Variants in HHIP observed in about 807,000 individuals in gnomAD.
HHIP encodes the protein hedgehog interacting protein.
Under a neutral mutation model 74.0 loss-of-function variants are expected in HHIP, and 12 were observed. That is an observed-to-expected ratio of 0.16 (90% CI 0.10 to 0.26). The LOEUF (loss-of-function observed/expected upper bound fraction) is 0.26, where lower values mean the gene tolerates loss of function less well. HHIP is among the 10% of genes least tolerant of loss of function. The pLI, the probability that HHIP is intolerant of heterozygous loss-of-function variation, is 1.00. For synonymous variants in HHIP, 309 were observed against 311.6 expected (o/e 0.99, Z 0.09); for missense variants, 788 against 845.0 (o/e 0.93, Z 0.84).
chr4:144,687,037 G>A (rs906511581), intron 4 of HHIP, among the ~76,000 whole-genome samples: 1 of 152,116 alleles, frequency 6.6e-6, no homozygotes, highest in Non-Finnish European at 1.5e-5. Context: ...TTCAGGGCAA[G>A]TGTGATTTAT....
In HHIP at chr4:144,652,811, A is replaced by T. The variant is rs199571278; in HGVS notation, c.472+14A>T. 2 of 1,289,004 alleles carry T rather than the reference A, an allele frequency of 1.6e-6. No individual in the cohort carries two copies. The highest frequency in any genetic ancestry group is 2.2e-6 in the Non-Finnish European group (2 of 903,502). The allele number at this position is 1,289,004 out of a possible 1,614,324, so 79.8% of individuals were successfully genotyped here. A position where few individuals can be genotyped will look rare whatever the true frequency, so the allele number is the denominator to read the frequency against. ...GCCATATTCCAGGTAAGAAAAAAAA[A>T]TGCATAAGTAAAATAAACCACTGCA... On this transcript the variant is annotated intron_variant, in intron 2 of 12. Coordinates refer to ENST00000296575, the MANE Select transcript of HHIP (RefSeq NM_022475.3).
In HHIP at chr4:144,715,562, C is replaced by G; in HGVS notation, c.1678+132C>G. On this transcript the variant is annotated intron_variant, in intron 10 of 12. Transcript: ENST00000296575. ...AAATGTAATCCACAGCAAAGATGAC[C>G]TACTCCAGAGATTAAGATAGTCCAG... is the stretch of plus-strand genomic sequence containing the variant. 3.7e-6 allele frequency: 3 copies of G among 806,474 alleles called. 1 individual carries two copies. In the South Asian group the frequency reaches 6.6e-5, roughly 18 times the overall value. 50.0% of individuals were successfully genotyped at this position (806,474 alleles called of 1,614,324 possible).
At chr4:144,701,995 A>G (rs1404011041) in intron 4 of HHIP, among the ~76,000 whole-genome samples, 1 of 152,158 alleles carries the variant, frequency 6.6e-6, no homozygotes, top group Non-Finnish European at 1.5e-5. Context: ...CTGTTAAAAA[A>G]GAAAAAATAG....
chr4:144,694,773 T>G (rs933667686), intron 4 of HHIP, among the ~76,000 whole-genome samples: 1 of 151,914 alleles, frequency 6.6e-6, no homozygotes, highest in African/African-American at 2.4e-5. Context: ...TTTATATTCC[T>G]GGGTTTAATG....
At position 144,646,459 on chromosome 4, in the gene HHIP, C is replaced by G. The variant is rs966973600; in HGVS notation, c.-217C>G. ...GTCATCCGCACAACTTTATCTCGCT[C>G]CTCGGGCTCCCCTAAGGCATTGGAC... is the stretch of plus-strand genomic sequence containing the variant. On this transcript the variant is annotated 5_prime_UTR_variant, in exon 1 of 13. Coordinates refer to ENST00000296575, the MANE Select transcript of HHIP (RefSeq NM_022475.3). 1.6e-5 allele frequency: 8 copies of G among 503,352 alleles called. No individual in the cohort carries two copies. The Admixed American group carries it at 2.4e-4, about 15-fold the overall frequency. 31.2% of individuals were successfully genotyped at this position (503,352 alleles called of 1,614,324 possible).
At chr4:144,670,087 T>G (rs1156332780) in intron 4 of HHIP, among the ~76,000 whole-genome samples, 1 of 147,668 alleles carries the variant, frequency 6.8e-6, no homozygotes, top group Non-Finnish European at 1.5e-5. Context: ...GAGGTTTCAG[T>G]GAGCCGAGAT....
At chr4:144,720,800 T>C (rs1405001126) in intron 11 of HHIP, among the ~76,000 whole-genome samples, 1 of 152,144 alleles carries the variant, frequency 6.6e-6, no homozygotes, top group African/African-American at 2.4e-5. Flanking sequence ...AGAAAACAAA[T>C]GTTTTTATAA....
chr4:144,734,660 G>T, intron 11 of HHIP, 81 bp from the exon 12 acceptor site: 4 of 1,129,646 alleles, frequency 3.5e-6, no homozygotes, highest in Admixed American at 2.5e-5. Flanking sequence ...GGCATGCTTT[G>T]TAAGCCACAG....
At chr4:144,686,680 T>C (rs1172802041) in intron 4 of HHIP, among the ~76,000 whole-genome samples, 1 of 152,150 alleles carries the variant, frequency 6.6e-6, no homozygotes, top group African/African-American at 2.4e-5. Flanking sequence ...GACTTTTAAG[T>C]TAAAGACTTA....
intron 4 of HHIP, among the ~76,000 whole-genome samples, chr4:144,704,931 T>A (rs1730089147): frequency 6.6e-6 from 1 of 152,126 alleles, no homozygotes; most frequent in South Asian, 2.1e-4. Context: ...CACCATCGAG[T>A]CAATATTAAA....
intron 4 of HHIP, among the ~76,000 whole-genome samples, chr4:144,668,088 C>G (rs1728925307): frequency 1.3e-5 from 2 of 151,792 alleles, no homozygotes; most frequent in South Asian, 4.2e-4. Context: ...GAGGCCGAGC[C>G]GGAGGACCAT....
intron 4 of HHIP, among the ~76,000 whole-genome samples, chr4:144,680,115 T>C (rs543986022): frequency 2.0e-5 from 3 of 152,304 alleles, no homozygotes; most frequent in East Asian, 1.9e-4. Flanking sequence ...TTCTTTTTAA[T>C]GAAAAGAACG....
At chr4:144,732,496 T>A (rs1730989185) in intron 11 of HHIP, among the ~76,000 whole-genome samples, 1 of 152,114 alleles carries the variant, frequency 6.6e-6, no homozygotes, top group Non-Finnish European at 1.5e-5. Context: ...AGTCAAAGCA[T>A]CAAATTGGAG....
intron 4 of HHIP, among the ~76,000 whole-genome samples, chr4:144,699,914 G>A (rs1446422395): frequency 6.6e-6 from 1 of 152,126 alleles, no homozygotes; most frequent in African/African-American, 2.4e-5. Context: ...GAAGAAATCA[G>A]TGCTCTGCAA....
chr4:144,655,062 T>C (rs1057132343), intron 2 of HHIP: 6 of 152,202 alleles, frequency 3.9e-5, no homozygotes, highest in Non-Finnish European at 7.4e-5. Flanking sequence ...ACCATTTGCT[T>C]TGACTTCATG....
At chr4:144,711,799 A>C (rs1164932314) in intron 7 of HHIP, 151 bp from the exon 8 acceptor site, 1 of 602,454 alleles carries the variant, frequency 1.7e-6, no homozygotes, top group South Asian at 2.8e-5. Flanking sequence ...ACATCGGACT[A>C]CTTCCTTCAG....
intron 4 of HHIP, among the ~76,000 whole-genome samples, chr4:144,681,798 A>T (rs1729353007): frequency 6.6e-6 from 1 of 152,040 alleles, no homozygotes. Flanking sequence ...TTTCATCATC[A>T]CCTTTTGGGG....
Position 144,741,838 on chromosome 4 carries a change from T to A in HHIP, c.*3881T>A, listed in dbSNP as rs774443267. 13 of 152,120 alleles carry A rather than the reference T, an allele frequency of 8.5e-5. No individual in the cohort carries two copies. The highest frequency in any genetic ancestry group is 1.8e-4 in the Non-Finnish European group (12 of 68,028). The allele number at this position is 152,120 out of a possible 1,614,324, so 9.4% of individuals were successfully genotyped here. On this transcript the variant is annotated 3_prime_UTR_variant, in exon 13 of 13. Transcript: ENST00000296575. ...TGTTAAGTCTCTTAGCTTTGAAACATAAAAGAGAAATCAAGCCCAAATTTT... is the reference window on the plus strand; with the variant it reads ...TGTTAAGTCTCTTAGCTTTGAAACAAAAAAGAGAAATCAAGCCCAAATTTT...
chr4:144,740,520 A>T lies in HHIP; in HGVS notation c.*2563A>T, dbSNP rs1239209700. ...ATTGGAGTCATTTCTTTCTGTTCTT[A>T]GGAGAAAAGTAGATAGCACTGGCTA... On this transcript the variant is annotated 3_prime_UTR_variant, in exon 13 of 13. Coordinates refer to ENST00000296575, the MANE Select transcript of HHIP (RefSeq NM_022475.3). 2 of 152,218 alleles carry T rather than the reference A, an allele frequency of 1.3e-5. No individual in the cohort carries two copies. The highest frequency in any genetic ancestry group is 2.9e-5 in the Non-Finnish European group (2 of 68,020). 9.4% of individuals were successfully genotyped at this position (152,218 alleles called of 1,614,324 possible).
Sources: gnomAD v4.1 joint callset for allele counts (sites outside exome capture counted in the v4.1 genomes callset) on GRCh38, gnomAD v4.1.1 for gene constraint, MANE v1.5 for transcripts, NCBI Gene and HGNC (gene_info 2026-07-23, HGNC 2026-07-21) for gene names.